Variants in LIN28B observed in about 807,000 individuals in gnomAD.
LIN28B encodes the protein protein lin-28 homolog B.
LIN28B carries 5 observed loss-of-function variants against 21.9 expected under a neutral mutation model. That is an observed-to-expected ratio of 0.23 (90% CI 0.12 to 0.48). LIN28B has a LOEUF of 0.48. Ranked by LOEUF, LIN28B falls within the 20% of genes least tolerant of loss-of-function variation. The pLI is 0.98. For missense variants in LIN28B, 245 were observed against 310.5 expected (o/e 0.79, Z 1.58); for synonymous variants, 109 against 111.3 (o/e 0.98, Z 0.13).
At chr6:104,946,537 A>T (rs1778158017) in intron 2 of LIN28B, among the ~76,000 whole-genome samples, 1 of 152,134 alleles carries the variant, frequency 6.6e-6, no homozygotes, top group South Asian at 2.1e-4. Flanking sequence ...TCAGTGTTGA[A>T]CTTCCATGTT....
At chr6:105,055,642 G>C (rs1282687544) in intron 3 of LIN28B, among the ~76,000 whole-genome samples, 1 of 152,002 alleles carries the variant, frequency 6.6e-6, no homozygotes, top group Non-Finnish European at 1.5e-5. Context: ...TGCTTTTTAA[G>C]TTCGCTAAAT....
intron 3 of LIN28B, among the ~76,000 whole-genome samples, chr6:105,076,458 A>G (rs1305901069): frequency 6.6e-6 from 1 of 152,206 alleles, no homozygotes; most frequent in Non-Finnish European, 1.5e-5. Flanking sequence ...TACACTGCTT[A>G]GTAGGTTGTT....
chr6:104,974,095 A>C lies in LIN28B; in HGVS notation c.198+15809A>C, dbSNP rs188309349. ...AGACTGACTCATAAAATAGGCTAAT[A>C]ATGAAAATAAATTGATATCAATAGA... On this transcript the variant is annotated intron_variant, in intron 2 of 3. Transcript: ENST00000345080. 5.7e-3 allele frequency among the ~76,000 whole-genome samples: 871 copies of C among 152,324 alleles called. 6 individuals carry two copies. Among genetic ancestry groups the C allele is most frequent in the Non-Finnish European group, 9.7e-3 (660 of 68,022 alleles).
chr6:105,068,207 G>A (rs1197473258), intron 3 of LIN28B, among the ~76,000 whole-genome samples: 5 of 152,170 alleles, frequency 3.3e-5, no homozygotes, highest in South Asian at 2.1e-4. Context: ...GAGATAAAAT[G>A]TGTAAATCTT....
At chr6:104,979,083 A>C (rs1770164309) in intron 2 of LIN28B, among the ~76,000 whole-genome samples, 1 of 152,198 alleles carries the variant, frequency 6.6e-6, no homozygotes, top group Non-Finnish European at 1.5e-5. Context: ...ACTAAATATG[A>C]AACATTTTAG....
At chr6:105,062,490 A>C (rs1041746965) in intron 3 of LIN28B, among the ~76,000 whole-genome samples, 1 of 152,216 alleles carries the variant, frequency 6.6e-6, no homozygotes, top group Non-Finnish European at 1.5e-5. Flanking sequence ...TATTACAAAT[A>C]ATTTAGAAAT....
At position 105,070,035 on chromosome 6, in the gene LIN28B, C is replaced by A. The variant is rs904388809; in HGVS notation, c.384-8379C>A. On this transcript the variant is annotated intron_variant, in intron 3 of 3. Transcript: ENST00000345080. ...TCCTTTCTGAGGCATGAGTGAGTAA[C>A]CTGTTGAAAACTGTTTTGAGAGATT... Among the ~76,000 whole-genome samples, 5 of 152,224 alleles carry A rather than the reference C, an allele frequency of 3.3e-5. No homozygotes were observed. The East Asian group carries it at 9.6e-4, about 29-fold the overall frequency.
At chr6:105,000,658 A>C (rs985958785) in intron 2 of LIN28B, among the ~76,000 whole-genome samples, 10 of 151,642 alleles carry the variant, frequency 6.6e-5, no homozygotes, top group Non-Finnish European at 1.5e-4. Flanking sequence ...AATAATAAAG[A>C]ATAAAAATTT....
chr6:104,957,488 A>C (rs1007469033), intron 1 of LIN28B, among the ~76,000 whole-genome samples: 2 of 151,654 alleles, frequency 1.3e-5, no homozygotes, highest in Admixed American at 6.6e-5. Flanking sequence ...AAAAGCTTTC[A>C]GGGGGCTATT....
intron 2 of LIN28B, among the ~76,000 whole-genome samples, chr6:104,994,069 A>G (rs1164031965): frequency 6.6e-6 from 1 of 151,850 alleles, no homozygotes; most frequent in East Asian, 2.0e-4. Flanking sequence ...CAGTGGCGCA[A>G]TCTCGGCTCA....
chr6:104,965,175 A>G (rs985941500), intron 2 of LIN28B, among the ~76,000 whole-genome samples: 1 of 152,244 alleles, frequency 6.6e-6, no homozygotes, highest in African/African-American at 2.4e-5. Flanking sequence ...TTTCCATTAC[A>G]GTTGATGTTA....
intron 2 of LIN28B, among the ~76,000 whole-genome samples, chr6:104,946,560 T>C (rs1018562995): frequency 4.6e-5 from 7 of 152,290 alleles, no homozygotes; most frequent in Admixed American, 4.6e-4. Context: ...ATATTTTATT[T>C]GATGTGTGTG....
intron 3 of LIN28B, among the ~76,000 whole-genome samples, chr6:105,063,463 C>A (rs1036219250): frequency 6.6e-6 from 1 of 152,064 alleles, no homozygotes; most frequent in African/African-American, 2.4e-5. Context: ...TGGTAAAAAC[C>A]CATCTCTACT....
chr6:105,078,381 C>A (rs1186571008), intron 3 of LIN28B, 33 bp from the exon 4 acceptor site: 1 of 1,564,518 alleles, frequency 6.4e-7, no homozygotes, highest in East Asian at 2.3e-5. Flanking sequence ...ATGCTGCCTA[C>A]TTCTAAGATG....
chr6:104,940,216 G>A lies in LIN28B; in HGVS notation c.18+3100G>A, dbSNP rs993015084. On this transcript the variant is annotated intron_variant, in intron 2 of 5. Transcript: ENST00000635857. Reference sequence around the variant, plus strand: ...GTTCGGAATGATGTCCAGGGCATCTGTAGTAAAAGAAAAGAAGACCTGGGC... The same window carrying A: ...GTTCGGAATGATGTCCAGGGCATCTATAGTAAAAGAAAAGAAGACCTGGGC... 7 of 169,166 alleles carry A rather than the reference G, an allele frequency of 4.1e-5. No homozygotes were observed. In the South Asian group the frequency reaches 1.0e-3, roughly 25 times the overall value. The allele number at this position is 169,166 out of a possible 1,614,324, so 10.5% of individuals were successfully genotyped here.
chr6:105,061,868 T>G (rs957989416), intron 3 of LIN28B, among the ~76,000 whole-genome samples: 41 of 150,994 alleles, frequency 2.7e-4, no homozygotes, highest in South Asian at 1.1e-3. Context: ...AACTTAGGGG[T>G]TTTTTTTTCT....
chr6:105,005,738 A>T (rs188818584), intron 2 of LIN28B, among the ~76,000 whole-genome samples: 11 of 152,288 alleles, frequency 7.2e-5, no homozygotes, highest in African/African-American at 2.6e-4. Context: ...TCAGTCAATT[A>T]AACATCTTTT....
At chr6:104,946,090 A>G (rs1355094528) in intron 2 of LIN28B, among the ~76,000 whole-genome samples, 12 of 151,920 alleles carry the variant, frequency 7.9e-5, no homozygotes, top group Admixed American at 7.9e-4. Context: ...AAATTAAATT[A>G]TATACTTTAT....
At chr6:105,065,186 C>T (rs899391324) in intron 3 of LIN28B, among the ~76,000 whole-genome samples, 7 of 152,094 alleles carry the variant, frequency 4.6e-5, no homozygotes, top group African/African-American at 1.7e-4. Context: ...GAGAAAAGAT[C>T]TGTAGGGATG....
Sources: allele counts gnomAD v4.1 joint callset (sites outside exome capture counted in the v4.1 genomes callset), GRCh38; gene constraint gnomAD v4.1.1; transcripts MANE v1.5; gene names NCBI Gene and HGNC (gene_info 2026-07-23, HGNC 2026-07-21).